MTARC2: variants seen among roughly 807,000 people sequenced by gnomAD.
The protein encoded by MTARC2 is mitochondrial amidoxime reducing component 2.
Under a neutral mutation model 35.6 loss-of-function variants are expected in MTARC2, and 27 were observed. The observed-to-expected ratio is 0.76, with a 90% CI of 0.56 to 1.04. The LOEUF is 1.04. Among genes scored for constraint, MTARC2 ranks in the 50% least tolerant of loss-of-function variants. MTARC2 has a pLI of 0.00. For synonymous variants in MTARC2, 158 were observed against 167.1 expected (o/e 0.95, Z 0.42); for missense variants, 412 against 432.5 (o/e 0.95, Z 0.42).
intron 7 of MTARC2, among the ~76,000 whole-genome samples, chr1:220,783,334 G>T (rs1672133387): frequency 6.6e-6 from 1 of 152,198 alleles, no homozygotes. Flanking sequence ...CTAAGTACCT[G>T]GCATTTCTAA....
chr1:220,751,472 C>A (rs1437154344), intron 1 of MTARC2, among the ~76,000 whole-genome samples: 1 of 152,146 alleles, frequency 6.6e-6, no homozygotes, highest in African/African-American at 2.4e-5. Context: ...ATTTCTTCTG[C>A]ACAAATGATG....
At chr1:220,766,677 C>A (rs1671586573) in intron 4 of MTARC2, among the ~76,000 whole-genome samples, 1 of 152,064 alleles carries the variant, frequency 6.6e-6, no homozygotes, top group South Asian at 2.1e-4. Context: ...ACACTCTTGT[C>A]CCTGGCTGAA....
At chr1:220,768,630 A>T (rs931193410) in intron 4 of MTARC2, among the ~76,000 whole-genome samples, 2 of 152,058 alleles carry the variant, frequency 1.3e-5, no homozygotes, top group African/African-American at 4.8e-5. Flanking sequence ...GTCACTGTGG[A>T]TGGGCTGGGG....
intron 4 of MTARC2, among the ~76,000 whole-genome samples, chr1:220,771,734 C>T (rs183031528): frequency 2.0e-5 from 3 of 151,920 alleles, no homozygotes; most frequent in Non-Finnish European, 2.9e-5. Flanking sequence ...TGGGTAACAG[C>T]GCCCACCAGG....
At position 220,748,426 on chromosome 1, in the gene MTARC2, A is replaced by G. The variant is rs989645290; in HGVS notation, c.-106A>G. ...TGTGAGAGGGTCCGTAGTTGGGTCA[A>G]CTTTGACTCCTCTCGCCTGCCCGGA... is the stretch of plus-strand genomic sequence containing the variant. On this transcript the variant is annotated 5_prime_UTR_variant, in exon 1 of 8. Transcript: ENST00000366913. 2 of 1,188,552 alleles carry G rather than the reference A, an allele frequency of 1.7e-6. No homozygotes were observed. Among genetic ancestry groups the G allele is most frequent in the Non-Finnish European group, 2.1e-6 (2 of 933,030 alleles). 73.6% of individuals were successfully genotyped at this position (1,188,552 alleles called of 1,614,324 possible).
At chr1:220,755,547 T>C (rs548542890) in intron 2 of MTARC2, among the ~76,000 whole-genome samples, 1 of 152,226 alleles carries the variant, frequency 6.6e-6, no homozygotes, top group South Asian at 2.1e-4. Flanking sequence ...GCGGCAGGCT[T>C]AGGGCTGGCT....
At position 220,769,934 on chromosome 1, in the gene MTARC2, CAAA is replaced by C. The variant is rs57739324; in HGVS notation, c.750+6905_750+6907del. 4.6e-4 allele frequency among the ~76,000 whole-genome samples: 29 copies of C among 63,416 alleles called. No homozygotes were observed. The South Asian group carries it at 7.3e-3, about 16-fold the overall frequency. 41.6% of individuals were successfully genotyped at this position (63,416 alleles called of 152,430 possible). A position where few individuals can be genotyped will look rare whatever the true frequency, so the allele number is the denominator to read the frequency against. On this transcript the variant is annotated intron_variant, in intron 4 of 7. Coordinates refer to ENST00000366913, the MANE Select transcript of MTARC2 (RefSeq NM_017898.5). Reference sequence around the variant, plus strand: ...TGAAACTCCATCTCTACTAAAAATACAAAAAAAAAAAAAAAAAAAAAAATTAAG... The same window carrying C: ...TGAAACTCCATCTCTACTAAAAATACAAAAAAAAAAAAAAAAAAAATTAAG...
At chr1:220,753,621 C>T (rs903092972) in intron 1 of MTARC2, among the ~76,000 whole-genome samples, 6 of 152,178 alleles carry the variant, frequency 3.9e-5, no homozygotes, top group South Asian at 2.1e-4. Context: ...TGGGAGGAGC[C>T]GCCCCTGCTT....
intron 1 of MTARC2, among the ~76,000 whole-genome samples, chr1:220,751,967 G>T: frequency 6.6e-6 from 1 of 152,238 alleles, no homozygotes; most frequent in East Asian, 1.9e-4. Context: ...AAATGAGATG[G>T]TTGGGGTATG....
At chr1:220,763,193 G>C (rs868684080) in intron 4 of MTARC2, 143 bp downstream of exon 4, 1 of 1,229,200 alleles carries the variant, frequency 8.1e-7, no homozygotes, top group South Asian at 1.3e-5. Flanking sequence ...ATTGCTTGCG[G>C]AGTTGTTCAC....
chr1:220,777,135 G>A (rs866422889), intron 4 of MTARC2, among the ~76,000 whole-genome samples: 1 of 152,174 alleles, frequency 6.6e-6, no homozygotes, highest in South Asian at 2.1e-4. Context: ...TTGTGTACAC[G>A]CAGTTATCCT....
chr1:220,748,421 G>A lies in MTARC2; in HGVS notation c.-111G>A. On this transcript the variant is annotated 5_prime_UTR_variant, in exon 1 of 8. Coordinates refer to ENST00000366913, the MANE Select transcript of MTARC2 (RefSeq NM_017898.5). ...GAAAGTGTGAGAGGGTCCGTAGTTGGGTCAACTTTGACTCCTCTCGCCTGC... is the reference window on the plus strand; with the variant it reads ...GAAAGTGTGAGAGGGTCCGTAGTTGAGTCAACTTTGACTCCTCTCGCCTGC... 1.8e-6 allele frequency: 2 copies of A among 1,124,938 alleles called. No individual in the cohort carries two copies. The highest frequency in any genetic ancestry group is 2.3e-6 in the Non-Finnish European group (2 of 875,896). 69.7% of individuals were successfully genotyped at this position (1,124,938 alleles called of 1,614,324 possible). A position where few individuals can be genotyped will look rare whatever the true frequency, so the allele number is the denominator to read the frequency against.
intron 1 of MTARC2, among the ~76,000 whole-genome samples, chr1:220,749,547 C>T (rs1671077882): frequency 6.6e-6 from 1 of 151,730 alleles, no homozygotes; most frequent in Non-Finnish European, 1.5e-5. Flanking sequence ...TCTCCTGCCT[C>T]AGCCTCCCAA....
At chr1:220,761,143 G>T (rs1446239097) in intron 2 of MTARC2, among the ~76,000 whole-genome samples, 1 of 152,222 alleles carries the variant, frequency 6.6e-6, no homozygotes, top group African/African-American at 2.4e-5. Flanking sequence ...CCCACCAAGT[G>T]ACGTAGGTAG....
At chr1:220,756,261 T>C (rs72472386) in intron 2 of MTARC2, 2 of 152,210 alleles carry the variant, frequency 1.3e-5, no homozygotes, top group African/African-American at 2.4e-5. Context: ...GTTAAGTGTG[T>C]GGAAGTTGGT....
chr1:220,753,280 G>C (rs1671180906), intron 1 of MTARC2, among the ~76,000 whole-genome samples: 1 of 152,066 alleles, frequency 6.6e-6, no homozygotes, highest in South Asian at 2.1e-4. Context: ...CCTCAGTGGG[G>C]TGGGGACTTG....
intron 1 of MTARC2, among the ~76,000 whole-genome samples, chr1:220,750,491 A>G (rs1251073209): frequency 6.6e-6 from 1 of 152,214 alleles, no homozygotes; most frequent in Non-Finnish European, 1.5e-5. Context: ...GAAAGAAAAT[A>G]CGTGTCCTTT....
Position 220,780,021 on chromosome 1 carries a change from A to G in MTARC2, c.754A>G (p.Thr252Ala), listed in dbSNP as rs569859816. 6.5e-7 allele frequency: 1 copy of G among 1,533,646 alleles called. No individual in the cohort carries two copies. The highest frequency in any genetic ancestry group is 1.4e-5 in the African/African-American group (1 of 70,178). ...VTGCDAFEED[T>A]WDELLIGSVE... is the part of the protein sequence containing the mutation. ...ATAACTTTCTCTTTTCTCTTAGGAT[A>G]CCTGGGATGAACTCCTAATTGGTAG... Residue 252 changes from threonine (T) to alanine (A), a missense_variant, in exon 5 of 8, where the codon ACC becomes GCC. Physicochemically the swap from Thr to Ala is moderately conservative, Grantham distance 58 (BLOSUM62 0). Transcript: ENST00000366913.
At position 220,769,934 on chromosome 1, in the gene MTARC2, C is replaced by CAAAAAAAAAAAAAAAAAAAAA. The variant is rs57739324; in HGVS notation, c.750+6887_750+6907dup. On this transcript the variant is annotated intron_variant, in intron 4 of 7. Coordinates refer to ENST00000366913, the MANE Select transcript of MTARC2 (RefSeq NM_017898.5). Reference sequence around the variant, plus strand: ...TGAAACTCCATCTCTACTAAAAATACAAAAAAAAAAAAAAAAAAAAAAATT... The same window carrying CAAAAAAAAAAAAAAAAAAAAA: ...TGAAACTCCATCTCTACTAAAAATACAAAAAAAAAAAAAAAAAAAAAAAAAAAAAAAAAAAAAAAAAAAATT... Among the ~76,000 whole-genome samples, 15 of 63,418 alleles carry CAAAAAAAAAAAAAAAAAAAAA rather than the reference C, an allele frequency of 2.4e-4. 1 individual carries two copies. Among genetic ancestry groups the CAAAAAAAAAAAAAAAAAAAAA allele is most frequent in the Admixed American group, 7.3e-4 (3 of 4,098 alleles). The allele number at this position is 63,418 out of a possible 152,430, so 41.6% of individuals were successfully genotyped here.
Sources: allele counts gnomAD v4.1 joint callset (sites outside exome capture counted in the v4.1 genomes callset), GRCh38; gene constraint gnomAD v4.1.1; transcripts MANE v1.5; gene names NCBI Gene and HGNC (gene_info 2026-07-23, HGNC 2026-07-21).